The following IQGAP2 variants were observed in gnomAD, a reference collection of about 807,000 sequenced individuals.
IQGAP2 encodes the protein IQ motif containing GTPase activating protein 2.
IQGAP2 carries 173 observed loss-of-function variants against 201.3 expected under a neutral mutation model. That is an observed-to-expected ratio of 0.86 (90% CI 0.76 to 0.98). IQGAP2 has a LOEUF of 0.98. Ranked by LOEUF, IQGAP2 falls within the 50% of genes least tolerant of loss-of-function variation. IQGAP2 has a pLI of 0.00. For missense variants in IQGAP2, 1,687 were observed against 1,864.8 expected (o/e 0.90, Z 1.76); for synonymous variants, 675 against 673.9 (o/e 1.00, Z -0.03).
intron 2 of IQGAP2, among the ~76,000 whole-genome samples, chr5:76,562,087 A>G (rs545429899): frequency 6.6e-6 from 1 of 152,166 alleles, no homozygotes; most frequent in African/African-American, 2.4e-5. Flanking sequence ...TTCCACCTAT[A>G]CAAAATGGTT....
chr5:76,599,617 C>T (rs1335119552), intron 10 of IQGAP2, among the ~76,000 whole-genome samples: 4 of 151,956 alleles, frequency 2.6e-5, no homozygotes, highest in Admixed American at 6.6e-5. Context: ...TACATGCTCT[C>T]GATGGTAACC....
chr5:76,529,629 G>GAATAAT (rs57526049), intron 2 of IQGAP2, among the ~76,000 whole-genome samples: 5,750 of 139,012 alleles, frequency 0.041, 210 homozygotes, highest in East Asian at 0.19. Context: ...CTCCCTCTCG[G>GAATAAT]AATAATAATA....
At chr5:76,496,457 A>G (rs1241942413) in intron 2 of IQGAP2, among the ~76,000 whole-genome samples, 1 of 152,216 alleles carries the variant, frequency 6.6e-6, no homozygotes, top group Admixed American at 6.5e-5. Flanking sequence ...CAAGTCTGCC[A>G]GTAAGACAGA....
chr5:76,672,455 T>G (rs1580782980), intron 24 of IQGAP2, among the ~76,000 whole-genome samples: 1 of 152,166 alleles, frequency 6.6e-6, no homozygotes, highest in Non-Finnish European at 1.5e-5. Context: ...AATTATGTAA[T>G]TATGTGGGTG....
chr5:76,418,018 C>A (rs998100456), intron 1 of IQGAP2, among the ~76,000 whole-genome samples: 2 of 151,232 alleles, frequency 1.3e-5, no homozygotes, highest in African/African-American at 4.9e-5. Context: ...ACCAGCCTGA[C>A]CAACATGGTG....
intron 2 of IQGAP2, among the ~76,000 whole-genome samples, chr5:76,560,013 C>A (rs897568553): frequency 6.6e-6 from 1 of 152,042 alleles, no homozygotes; most frequent in Non-Finnish European, 1.5e-5. Context: ...TTTTTCCAGT[C>A]CCTTCATTAT....
chr5:76,594,410 G>A (rs1746868807), intron 9 of IQGAP2, among the ~76,000 whole-genome samples: 1 of 152,000 alleles, frequency 6.6e-6, no homozygotes, highest in African/African-American at 2.4e-5. Flanking sequence ...ATAATTTCCT[G>A]ACCGCAAATT....
chr5:76,707,156 A>C (rs1473628033), intron 35 of IQGAP2, 44 bp from the exon 36 acceptor site: 1 of 917,342 alleles, frequency 1.1e-6, no homozygotes, highest in Admixed American at 1.9e-5. Context: ...TTAAATGCAC[A>C]AAATGTCAAA....
At chr5:76,542,745 T>C (rs992125138) in intron 2 of IQGAP2, among the ~76,000 whole-genome samples, 20 of 152,198 alleles carry the variant, frequency 1.3e-4, no homozygotes, top group African/African-American at 4.6e-4. Context: ...CCTGGAACAA[T>C]TGGATATCAT....
rs566218338 is a variant in IQGAP2 at position 76,560,251 on chromosome 5, C to T, written c.147-2145C>T. ...TACTGCAGCCTCAAACTCCAGGGCT[C>T]AAGCAATCCCCCTACCTCAACCCCC... On this transcript the variant is annotated intron_variant, in intron 2 of 35. Transcript: ENST00000274364. Among the ~76,000 whole-genome samples the T allele has an allele frequency of 4.6e-4, 70 of 151,918 alleles. 1 individual carries two copies. In the South Asian group the frequency reaches 0.013, roughly 27 times the overall value.
intron 2 of IQGAP2, among the ~76,000 whole-genome samples, chr5:76,501,976 A>G (rs921332537): frequency 6.6e-6 from 1 of 152,108 alleles, no homozygotes; most frequent in Non-Finnish European, 1.5e-5. Flanking sequence ...ACAGTTGTGC[A>G]TCTGTGATTG....
At position 76,674,128 on chromosome 5, in the gene IQGAP2, A is replaced by G. The variant is rs2150491346; in HGVS notation, c.3294+92A>G. The G allele has an allele frequency of 9.4e-6, 7 of 743,290 alleles. No homozygotes were observed. The South Asian group carries it at 1.1e-4, about 12-fold the overall frequency. 46.0% of individuals were successfully genotyped at this position (743,290 alleles called of 1,614,324 possible). A position where few individuals can be genotyped will look rare whatever the true frequency, so the allele number is the denominator to read the frequency against. On this transcript the variant is annotated intron_variant, in intron 26 of 35. Coordinates refer to ENST00000274364, the MANE Select transcript of IQGAP2 (RefSeq NM_006633.5). ...AACTTTGTAAGATTATTCCCCATGT[A>G]TGATTATTTATAATAAGCTGCAGGT...
intron 2 of IQGAP2, among the ~76,000 whole-genome samples, chr5:76,505,915 T>C (rs1256264092): frequency 6.6e-5 from 10 of 152,166 alleles, no homozygotes; most frequent in Non-Finnish European, 1.3e-4. Flanking sequence ...CCCCCACACT[T>C]TTACAGGAAC....
chr5:76,521,594 T>C (rs533279360), intron 2 of IQGAP2, among the ~76,000 whole-genome samples: 1 of 152,240 alleles, frequency 6.6e-6, no homozygotes, highest in Admixed American at 6.5e-5. Flanking sequence ...ATAAGCTTGA[T>C]GCTTTGTACA....
intron 11 of IQGAP2, among the ~76,000 whole-genome samples, chr5:76,602,224 C>T (rs923984514): frequency 9.2e-5 from 14 of 152,178 alleles, no homozygotes; most frequent in Non-Finnish European, 1.8e-4. Flanking sequence ...TTTCTCTCCC[C>T]ATTCATTAAT....
intron 11 of IQGAP2, among the ~76,000 whole-genome samples, chr5:76,602,546 C>T (rs528420551): frequency 1.2e-4 from 19 of 152,026 alleles, no homozygotes; most frequent in African/African-American, 3.6e-4. Flanking sequence ...CCTCACAGTT[C>T]GAGTGTTCTG....
chr5:76,489,281 C>T (rs13172341), intron 2 of IQGAP2, among the ~76,000 whole-genome samples: 78,844 of 151,866 alleles, frequency 0.52, 20,649 homozygotes, highest in Middle Eastern at 0.65. Flanking sequence ...GAGGCTGTAT[C>T]TCCTGATTAC....
At position 76,674,658 on chromosome 5, in the gene IQGAP2, A is replaced by C. The variant is rs1462762969; in HGVS notation, c.3476A>C (p.Glu1159Ala). 5 of 1,614,156 alleles carry C rather than the reference A, an allele frequency of 3.1e-6. 1 individual carries two copies. The South Asian group carries it at 5.5e-5, about 18-fold the overall frequency. The change falls in exon 27 of 36, where the codon GAG (glutamate) becomes GCG (alanine). Residue 1159 changes from glutamate (E) to alanine (A), a missense_variant. Glu to Ala is a moderately radical substitution (Grantham distance 107). Coordinates refer to ENST00000274364, the MANE Select transcript of IQGAP2 (RefSeq NM_006633.5). ...ASNKLFEGEN[E>A]HLSSMNNYLS... is the part of the protein sequence containing the mutation. ...AACAAGCTGTTTGAAGGAGAAAATG[A>C]GCATCTCTCATCTATGAACAATTAT...
At chr5:76,671,591 G>A (rs1336520527) in intron 23 of IQGAP2, among the ~76,000 whole-genome samples, 168 bp from the exon 24 acceptor site, 1 of 151,498 alleles carries the variant, frequency 6.6e-6, no homozygotes, top group East Asian at 1.9e-4. Flanking sequence ...AGGAAGCTGA[G>A]GCAGGAGAAT....
Sources: allele counts gnomAD v4.1 joint callset (sites outside exome capture counted in the v4.1 genomes callset), GRCh38; gene constraint gnomAD v4.1.1; transcripts MANE v1.5; gene names NCBI Gene and HGNC (gene_info 2026-07-23, HGNC 2026-07-21).